Variants in CDKAL1 observed in about 807,000 individuals in gnomAD.
The protein encoded by CDKAL1 is threonylcarbamoyladenosine tRNA methylthiotransferase.
In CDKAL1, 32 loss-of-function variants were observed where a neutral mutation model predicts 68.2. The ratio of observed to expected loss-of-function variants is 0.47; its 90% CI spans 0.35 to 0.63. The LOEUF is 0.63. Among genes scored for constraint, CDKAL1 ranks in the 30% least tolerant of loss-of-function variants. CDKAL1 has a pLI of 0.00. For missense variants in CDKAL1, 606 were observed against 696.7 expected (o/e 0.87, Z 1.47); for synonymous variants, 234 against 244.3 (o/e 0.96, Z 0.39).
intron 9 of CDKAL1, among the ~76,000 whole-genome samples, chr6:20,928,685 C>CTTT (rs55795720): frequency 8.3e-6 from 1 of 120,184 alleles, no homozygotes; most frequent in Non-Finnish European, 1.7e-5. Flanking sequence ...TTACAATATT[C>CTTT]TTTTTTTTTT....
intron 4 of CDKAL1, among the ~76,000 whole-genome samples, chr6:20,563,598 C>G (rs1233189167): frequency 1.3e-5 from 2 of 151,204 alleles, no homozygotes; most frequent in African/African-American, 4.9e-5. Flanking sequence ...CCTCCCATCT[C>G]AAATTCCCTA....
intron 11 of CDKAL1, among the ~76,000 whole-genome samples, chr6:21,001,540 T>C (rs759425012): frequency 6.6e-6 from 1 of 152,154 alleles, no homozygotes; most frequent in Non-Finnish European, 1.5e-5. Context: ...TGTCCAAATA[T>C]TCAAATCAGT....
At chr6:20,660,182 C>T (rs181014182) in intron 5 of CDKAL1, among the ~76,000 whole-genome samples, 1 of 152,238 alleles carries the variant, frequency 6.6e-6, no homozygotes, top group East Asian at 1.9e-4. Context: ...AGTTCTTTAT[C>T]CCATATTAAC....
chr6:21,151,862 C>A (rs983096231), intron 13 of CDKAL1, among the ~76,000 whole-genome samples: 1 of 152,086 alleles, frequency 6.6e-6, no homozygotes, highest in African/African-American at 2.4e-5. Flanking sequence ...CAGTTCGTAT[C>A]TACAGTTTTT....
Position 20,787,280 on chromosome 6 carries a change from C to T in CDKAL1, c.638+6015C>T, listed in dbSNP as rs533441323. 2.0e-5 allele frequency among the ~76,000 whole-genome samples: 3 copies of T among 152,106 alleles called. No homozygotes were observed. The South Asian group carries it at 6.2e-4, about 32-fold the overall frequency. The stretch of plus-strand genomic sequence containing the variant: ...TCATTTTAAAAAGCATTTTTTTCCC[C>T]CTGTAACACTCTGGCTTTGCGAAAA... On this transcript the variant is annotated intron_variant, in intron 8 of 15. Transcript: ENST00000274695.
chr6:20,583,308 A>G (rs1360888455), intron 4 of CDKAL1, among the ~76,000 whole-genome samples: 1 of 152,146 alleles, frequency 6.6e-6, no homozygotes, highest in Admixed American at 6.5e-5. Context: ...GATGAAGAAA[A>G]CTTAATCAGT....
chr6:20,969,915 G>A (rs1217089270), intron 10 of CDKAL1, among the ~76,000 whole-genome samples: 1 of 148,918 alleles, frequency 6.7e-6, no homozygotes, highest in Non-Finnish European at 1.5e-5. Context: ...TTTAGGCTTT[G>A]TATGGATATC....
intron 4 of CDKAL1, among the ~76,000 whole-genome samples, chr6:20,608,317 A>G (rs1274016010): frequency 6.6e-6 from 1 of 152,204 alleles, no homozygotes; most frequent in Non-Finnish European, 1.5e-5. Context: ...TATAGTTTGT[A>G]TACTTAAGGA....
chr6:20,638,363 A>G (rs368110803), intron 4 of CDKAL1, among the ~76,000 whole-genome samples: 1 of 152,086 alleles, frequency 6.6e-6, no homozygotes, highest in Non-Finnish European at 1.5e-5. Context: ...CTCTCAGTTC[A>G]TATTTGTTGC....
intron 13 of CDKAL1, among the ~76,000 whole-genome samples, chr6:21,187,802 C>T (rs1778072522): frequency 6.6e-6 from 1 of 152,150 alleles, no homozygotes; most frequent in Non-Finnish European, 1.5e-5. Context: ...TGAAACAAAA[C>T]TTCTACAAGC....
At chr6:20,730,459 A>G (rs1021312254) in intron 5 of CDKAL1, among the ~76,000 whole-genome samples, 1 of 151,178 alleles carries the variant, frequency 6.6e-6, no homozygotes, top group Non-Finnish European at 1.5e-5. Flanking sequence ...GAAAGAAAGG[A>G]AAGAAAAGAA....
At chr6:20,732,263 C>CTTTTTTTTT (rs56911987) in intron 5 of CDKAL1, among the ~76,000 whole-genome samples, 391 of 83,470 alleles carry the variant, frequency 4.7e-3, no homozygotes, top group African/African-American at 6.8e-3. Context: ...TTCTTTCTTT[C>CTTTTTTTTT]TTTTTTTTTT....
intron 11 of CDKAL1, among the ~76,000 whole-genome samples, chr6:21,044,120 T>A (rs1408826345): frequency 6.6e-6 from 1 of 152,196 alleles, no homozygotes. Flanking sequence ...CCTCTGTAGT[T>A]GTTCCTTTCA....
intron 13 of CDKAL1, among the ~76,000 whole-genome samples, chr6:21,160,617 A>G (rs1554189715): frequency 1.5e-5 from 2 of 130,058 alleles, no homozygotes; most frequent in East Asian, 2.4e-4. Flanking sequence ...TTTTTTATTC[A>G]CTGTAATTTT....
chr6:20,960,625 T>C (rs908012752), intron 10 of CDKAL1, among the ~76,000 whole-genome samples: 1 of 152,248 alleles, frequency 6.6e-6, no homozygotes, highest in Non-Finnish European at 1.5e-5. Context: ...TTCATACACC[T>C]AATAAATGTT....
chr6:21,166,830 G>A (rs1342515952), intron 13 of CDKAL1, among the ~76,000 whole-genome samples: 1 of 152,214 alleles, frequency 6.6e-6, no homozygotes, highest in Non-Finnish European at 1.5e-5. Context: ...CACTCTGACT[G>A]TCTGTCTCAT....
chr6:20,732,677 T>C (rs1449182714), intron 5 of CDKAL1, among the ~76,000 whole-genome samples: 1 of 152,134 alleles, frequency 6.6e-6, no homozygotes, highest in East Asian at 1.9e-4. Context: ...GCCCCTCTGA[T>C]GCGTGTTTTA....
rs73377350 is a variant in CDKAL1 at position 20,716,831 on chromosome 6, T to C, written c.372-22688T>C. Among the ~76,000 whole-genome samples the C allele has an allele frequency of 9.2e-3, 1,387 of 151,442 alleles. 24 individuals carry two copies. The highest frequency in any genetic ancestry group is 0.032 in the African/African-American group (1,324 of 41,188). On this transcript the variant is annotated intron_variant, in intron 5 of 15. Transcript: ENST00000274695. ...TGGGAATCATGTGCTGTAGATGGTG[T>C]GTAAATCCATGGGACTGCAGAAGAT...
intron 6 of CDKAL1, among the ~76,000 whole-genome samples, chr6:20,745,137 C>G (rs1773611042): frequency 6.6e-6 from 1 of 152,214 alleles, no homozygotes; most frequent in Admixed American, 6.5e-5. Flanking sequence ...GGACTATTAG[C>G]AGGTTGATTT....
Sources: allele counts gnomAD v4.1 joint callset (sites outside exome capture counted in the v4.1 genomes callset), GRCh38; gene constraint gnomAD v4.1.1; transcripts MANE v1.5; gene names NCBI Gene and HGNC (gene_info 2026-07-23, HGNC 2026-07-21).